The following SULT4A1 variants were observed in gnomAD, a reference collection of about 807,000 sequenced individuals.
SULT4A1 encodes the protein sulfotransferase 4A1.
Under a neutral mutation model 35.2 loss-of-function variants are expected in SULT4A1, and 11 were observed. That is an observed-to-expected ratio of 0.31 (90% CI 0.20 to 0.52). SULT4A1 has a LOEUF of 0.52. Ranked by LOEUF, SULT4A1 falls within the 20% of genes least tolerant of loss-of-function variation. SULT4A1 has a pLI of 0.97. For synonymous variants in SULT4A1, 152 were observed against 151.8 expected (o/e 1.00, Z -0.01); for missense variants, 271 against 383.7 (o/e 0.71, Z 2.45).
At chr22:43,857,370 C>CAAAAAAAAAAAAAAAAAAAAAAAAAA (rs60746917) in intron 1 of SULT4A1, among the ~76,000 whole-genome samples, 1 of 93,794 alleles carries the variant, frequency 1.1e-5, no homozygotes. Flanking sequence ...GATCCTGTCT[C>CAAAAAAAAAAAAAAAAAAAAAAAAAA]AAAAAAAAAA....
intron 5 of SULT4A1, 115 bp downstream of exon 5, chr22:43,833,525 C>T: frequency 1.4e-6 from 1 of 728,698 alleles, no homozygotes; most frequent in Non-Finnish European, 2.3e-6. Context: ...CTCCTCTGTC[C>T]CTCCTCAGAC....
chr22:43,847,513 C>T (rs1012977402), intron 1 of SULT4A1, among the ~76,000 whole-genome samples: 2 of 152,308 alleles, frequency 1.3e-5, no homozygotes, highest in East Asian at 3.9e-4. Flanking sequence ...CCTCCACCCA[C>T]CCTTGCTGTG....
chr22:43,844,237 T>C (rs1325171247), intron 1 of SULT4A1, among the ~76,000 whole-genome samples: 1 of 152,228 alleles, frequency 6.6e-6, no homozygotes, highest in Non-Finnish European at 1.5e-5. Context: ...CGCCCGCCAG[T>C]GGCCTGGTCA....
chr22:43,826,674 C>A (rs1172558991), intron 6 of SULT4A1: 1 of 985,298 alleles, frequency 1.0e-6, no homozygotes. Context: ...AAGTAGGAAG[C>A]CCTCCTGACT....
Position 43,861,411 on chromosome 22 carries a change from G to C in SULT4A1, c.169+803C>G, listed in dbSNP as rs561549189. Among the ~76,000 whole-genome samples, 188 of 152,290 alleles carry C rather than the reference G, an allele frequency of 1.2e-3. 1 individual carries two copies. The highest frequency in any genetic ancestry group is 4.3e-3 in the African/African-American group (179 of 41,546). ...CTACCTCCTTTCCCTAAAAACCTCA[G>C]ATGGGGTACTATACAATCTCCTACC... is the stretch of plus-strand genomic sequence containing the variant. On this transcript the variant is annotated intron_variant, in intron 1 of 6. Transcript: ENST00000330884.
chr22:43,853,242 C>T (rs566036926), intron 1 of SULT4A1, among the ~76,000 whole-genome samples: 4 of 152,266 alleles, frequency 2.6e-5, no homozygotes, highest in African/African-American at 9.6e-5. Context: ...AAGTGAGCAG[C>T]GAAACAGGGC....
chr22:43,848,566 G>A (rs1315536993), intron 1 of SULT4A1, among the ~76,000 whole-genome samples: 1 of 152,248 alleles, frequency 6.6e-6, no homozygotes, highest in African/African-American at 2.4e-5. Flanking sequence ...CAAGGCACTG[G>A]GAAGTGGGGG....
intron 1 of SULT4A1, 97 bp from the exon 2 acceptor site, chr22:43,842,029 G>C: frequency 6.7e-7 from 1 of 1,492,518 alleles, no homozygotes; most frequent in African/African-American, 1.4e-5. Flanking sequence ...AGGGGCTCAA[G>C]AGCCCCAGGT....
At chr22:43,854,495 A>G (rs2049379421) in intron 1 of SULT4A1, among the ~76,000 whole-genome samples, 1 of 152,158 alleles carries the variant, frequency 6.6e-6, no homozygotes, top group Non-Finnish European at 1.5e-5. Flanking sequence ...TTCAGACCTA[A>G]GTCTTTATAA....
At chr22:43,844,314 G>A (rs545229917) in intron 1 of SULT4A1, among the ~76,000 whole-genome samples, 1 of 152,346 alleles carries the variant, frequency 6.6e-6, no homozygotes, top group African/African-American at 2.4e-5. Context: ...CAAGCCCAGC[G>A]TGCCGTGCCA....
intron 1 of SULT4A1, among the ~76,000 whole-genome samples, chr22:43,846,230 T>C (rs1209302156): frequency 1.3e-5 from 2 of 152,212 alleles, no homozygotes; most frequent in Admixed American, 6.5e-5. Flanking sequence ...GACTCCTCCC[T>C]GCGCCTGCTC....
intron 1 of SULT4A1, among the ~76,000 whole-genome samples, chr22:43,845,209 T>C (rs1384895092): frequency 2.0e-5 from 3 of 152,110 alleles, no homozygotes; most frequent in Non-Finnish European, 2.9e-5. Flanking sequence ...CTCCCCGCCC[T>C]GAACGTGGTG....
intron 1 of SULT4A1, among the ~76,000 whole-genome samples, 200 bp from the exon 2 acceptor site, chr22:43,842,132 G>C (rs2063436539): frequency 6.6e-6 from 1 of 152,224 alleles, no homozygotes; most frequent in African/African-American, 2.4e-5. Context: ...AGTCGGCTCT[G>C]ATTCTCAGAG....
intron 1 of SULT4A1, among the ~76,000 whole-genome samples, chr22:43,842,805 C>A (rs1030220362): frequency 5.9e-5 from 9 of 152,158 alleles, no homozygotes; most frequent in Non-Finnish European, 4.4e-5. Context: ...ATTCCGGGGT[C>A]TAGAGCTATT....
intron 1 of SULT4A1, among the ~76,000 whole-genome samples, chr22:43,844,478 C>T (rs1236560439): frequency 6.6e-6 from 1 of 152,204 alleles, no homozygotes; most frequent in Non-Finnish European, 1.5e-5. Context: ...GGCCTCCTGC[C>T]TGGGTCTGGG....
rs550276638 is a variant in SULT4A1, at chr22:43,826,176, G to A, written c.743-63C>T. On this transcript the variant is annotated intron_variant, in intron 6 of 6. Transcript: ENST00000330884. ...TGTCCGGCCAGCTACTGAACTAAAGGAAGCCTTGGAAATGGATCTGGAACA... is the reference window on the plus strand; with the variant it reads ...TGTCCGGCCAGCTACTGAACTAAAGAAAGCCTTGGAAATGGATCTGGAACA... The A allele has an allele frequency of 3.2e-5, 51 of 1,599,536 alleles. No individual in the cohort carries two copies. In the African/African-American group the frequency reaches 5.8e-4, roughly 18 times the overall value.
At chr22:43,827,086 G>A (rs556446097) in intron 6 of SULT4A1, 2 of 985,454 alleles carry the variant, frequency 2.0e-6, no homozygotes, top group East Asian at 2.3e-4. Flanking sequence ...AGATGTCTGG[G>A]GCGGGGATTC....
chr22:43,862,457 GCGCCC>G lies in SULT4A1; in HGVS notation c.-80_-76del, dbSNP rs1342182962. ...CGCGCCCGCGCCCGCGCCCGCGCCC[GCGCCC>G]CGCACACGCTCGCGCCCCACCGGCG... On this transcript the variant is annotated 5_prime_UTR_variant, in exon 1 of 7. Coordinates refer to ENST00000330884, the MANE Select transcript of SULT4A1 (RefSeq NM_014351.4). The G allele has an allele frequency of 1.0e-4, 78 of 747,040 alleles. No homozygotes were observed. The highest frequency in any genetic ancestry group is 1.2e-4 in the Non-Finnish European group (75 of 620,368). The allele number at this position is 747,040 out of a possible 1,614,324, so 46.3% of individuals were successfully genotyped here.
chr22:43,833,644 T>C lies in SULT4A1; in HGVS notation c.599A>G (p.His200Arg), dbSNP rs1176258669. ...NVLFLKYEDMHRDLVTMVEQL... is the reference protein window; with the variant it reads ...NVLFLKYEDMRRDLVTMVEQL... ...AGCTGCTCCGGCAGCACTCACCCGA[T>C]GCATGTCTTCATACTTGAGAAAAAG... The change falls in exon 5 of 7, where the codon CAT becomes CGT. Residue 200 changes from histidine to arginine, a missense_variant. Physicochemically the swap from His to Arg is conservative, Grantham distance 29. Coordinates refer to ENST00000330884, the MANE Select transcript of SULT4A1 (RefSeq NM_014351.4). 1 of 1,595,018 alleles carries C rather than the reference T, an allele frequency of 6.3e-7. No individual in the cohort carries two copies. Among genetic ancestry groups the C allele is most frequent in the Non-Finnish European group, 8.5e-7 (1 of 1,170,462 alleles).
Sources: allele counts gnomAD v4.1 joint callset (sites outside exome capture counted in the v4.1 genomes callset), GRCh38; gene constraint gnomAD v4.1.1; transcripts MANE v1.5; gene names NCBI Gene and HGNC (gene_info 2026-07-23, HGNC 2026-07-21).